POPDC2: variants seen among roughly 807,000 people sequenced by gnomAD.
POPDC2 encodes the protein popeye domain cAMP effector 2.
In POPDC2, 24 loss-of-function variants were observed where a neutral mutation model predicts 30.5. That is an observed-to-expected ratio of 0.79 (90% CI 0.57 to 1.11). POPDC2 has a LOEUF of 1.11. POPDC2 is among the 50% of genes least tolerant of loss of function. POPDC2 has a pLI of 0.00. For synonymous variants in POPDC2, 185 were observed against 183.3 expected (o/e 1.01, Z -0.07); for missense variants, 409 against 447.0 (o/e 0.91, Z 0.77).
At chr3:119,654,801 A>C in intron 1 of POPDC2, 188 bp from the exon 2 acceptor site, 1 of 555,426 alleles carries the variant, frequency 1.8e-6, no homozygotes. Context: ...AAAGGAACCC[A>C]TTGAGACTTC....
At chr3:119,656,627 GC>G (rs1560099126) in intron 1 of POPDC2, among the ~76,000 whole-genome samples, 1 of 152,152 alleles carries the variant, frequency 6.6e-6, no homozygotes, top group Non-Finnish European at 1.5e-5. Flanking sequence ...CAGATGTGAG[GC>G]CACATCTGGA....
At chr3:119,646,130 T>C (rs182609596) in intron 3 of POPDC2, among the ~76,000 whole-genome samples, 106 of 152,154 alleles carry the variant, frequency 7.0e-4, no homozygotes, top group African/African-American at 2.5e-3. Flanking sequence ...AAAGTACTGA[T>C]CTTTGGAAGA....
chr3:119,648,817 G>T (rs1029079040), intron 2 of POPDC2, 149 bp from the exon 3 acceptor site: 45 of 689,490 alleles, frequency 6.5e-5, no homozygotes, highest in Admixed American at 4.1e-4. Context: ...GCCTGGAGGA[G>T]GTCTAGTGGA....
chr3:119,654,827 T>C (rs2052861079), intron 1 of POPDC2: 2 of 523,634 alleles, frequency 3.8e-6, no homozygotes, highest in Admixed American at 6.8e-5. Context: ...CCCTCATTTT[T>C]CCTCCTCCTT....
chr3:119,655,519 C>T (rs576611540), intron 1 of POPDC2, among the ~76,000 whole-genome samples: 32 of 152,252 alleles, frequency 2.1e-4, no homozygotes, highest in South Asian at 6.2e-4. Flanking sequence ...CTGTTGGATC[C>T]GCTGCTCCAC....
At chr3:119,644,718 A>G (rs1436233068) in intron 3 of POPDC2, among the ~76,000 whole-genome samples, 2 of 152,296 alleles carry the variant, frequency 1.3e-5, no homozygotes, top group Middle Eastern at 3.4e-3. Flanking sequence ...TGCCTCTCAT[A>G]TAAGTGCTGT....
intron 3 of POPDC2, among the ~76,000 whole-genome samples, chr3:119,647,664 G>T (rs931235707): frequency 3.3e-5 from 5 of 152,178 alleles, no homozygotes; most frequent in African/African-American, 1.2e-4. Context: ...TTTAAAATAT[G>T]CAGTTTTAAC....
At chr3:119,657,413 T>C (rs757332756) in intron 1 of POPDC2, among the ~76,000 whole-genome samples, 1 of 152,102 alleles carries the variant, frequency 6.6e-6, no homozygotes. Flanking sequence ...GCACCTATTA[T>C]CTGACAACCT....
At chr3:119,651,886 G>A (rs990216381) in intron 2 of POPDC2, among the ~76,000 whole-genome samples, 1 of 151,944 alleles carries the variant, frequency 6.6e-6, no homozygotes, top group Admixed American at 6.6e-5. Context: ...CAACTGCCTC[G>A]GCCTCCCAAA....
intron 2 of POPDC2, among the ~76,000 whole-genome samples, chr3:119,651,646 G>GC (rs981559493): frequency 2.5e-5 from 3 of 119,060 alleles, no homozygotes; most frequent in African/African-American, 9.9e-5. Context: ...CCACCCCACC[G>GC]CCCCCCTGAG....
chr3:119,649,127 T>C (rs1227676116), intron 2 of POPDC2, among the ~76,000 whole-genome samples: 2 of 151,732 alleles, frequency 1.3e-5, no homozygotes, highest in African/African-American at 2.4e-5. Flanking sequence ...ATAAAAAGAG[T>C]TGGAAAGTTG....
chr3:119,642,405 G>A lies in POPDC2; in HGVS notation c.*200C>T, dbSNP rs1473457223. 2.2e-5 allele frequency: 24 copies of A among 1,101,388 alleles called. No homozygotes were observed. Among genetic ancestry groups the A allele is most frequent in the Non-Finnish European group, 1.4e-6 (1 of 721,270 alleles). 68.2% of individuals were successfully genotyped at this position (1,101,388 alleles called of 1,614,324 possible). ...TTCCAGTGGGTGGGAAAAGAGGCAT[G>A]CCTATCAGTGGCCATTCTGTGAACA... is the stretch of plus-strand genomic sequence containing the variant. On this transcript the variant is annotated 3_prime_UTR_variant, in exon 4 of 4. Coordinates refer to ENST00000493094, the MANE Select transcript of POPDC2 (RefSeq NM_001369919.2).
upstream of POPDC2, chr3:119,660,845 T>C (rs1175894122): frequency 6.2e-6 from 1 of 160,692 alleles, no homozygotes; most frequent in Non-Finnish European, 1.4e-5. Context: ...CGTGGGATGA[T>C]GCGGCCACAT....
intron 2 of POPDC2, among the ~76,000 whole-genome samples, chr3:119,649,365 A>G (rs955924763): frequency 6.6e-6 from 1 of 152,188 alleles, no homozygotes; most frequent in African/African-American, 2.4e-5. Flanking sequence ...TCATCTAGGA[A>G]TTTCTGAGTA....
rs2052702662 is a variant in POPDC2 at position 119,642,619 on chromosome 3, C to A, written c.*44-58G>T. ...CTATGTCTCTGGACAGTTTGTCTAA[C>A]TTCAAAGGGTTCTTTTCAGTTTTTT... On this transcript the variant is annotated intron_variant, in intron 3 of 3. Coordinates refer to ENST00000493094, the MANE Select transcript of POPDC2 (RefSeq NM_001369919.2). The A allele has an allele frequency of 7.5e-6, 9 of 1,194,560 alleles. No homozygotes were observed. In the South Asian group the frequency reaches 1.1e-4, roughly 15 times the overall value. 74.0% of individuals were successfully genotyped at this position (1,194,560 alleles called of 1,614,324 possible).
intron 3 of POPDC2, among the ~76,000 whole-genome samples, chr3:119,645,417 C>T (rs2052734720): frequency 6.6e-6 from 1 of 152,078 alleles, no homozygotes; most frequent in Admixed American, 6.5e-5. Context: ...AAAAAATTAG[C>T]CAGGCACGGT....
At chr3:119,658,107 G>C (rs1017912082) in intron 1 of POPDC2, among the ~76,000 whole-genome samples, 1 of 152,196 alleles carries the variant, frequency 6.6e-6, no homozygotes, top group Admixed American at 6.5e-5. Context: ...CTGGCACAAA[G>C]TTCTTGTCTG....
chr3:119,642,476 T>G lies in POPDC2; in HGVS notation c.*129A>C. ...CACAGAGAAGATAGTCCAATGATCC[T>G]TAAAGTTCAGGCGTGTGGGTTGGAG... On this transcript the variant is annotated 3_prime_UTR_variant, in exon 4 of 4. Transcript: ENST00000493094. 1 of 1,604,996 alleles carries G rather than the reference T, an allele frequency of 6.2e-7. No homozygotes were observed. Among genetic ancestry groups the G allele is most frequent in the Non-Finnish European group, 8.5e-7 (1 of 1,171,754 alleles).
Position 119,644,920 on chromosome 3 carries a change from A to T in POPDC2, c.*44-2359T>A, listed in dbSNP as rs72957083. 1.3e-3 allele frequency among the ~76,000 whole-genome samples: 197 copies of T among 152,334 alleles called. 2 individuals carry two copies. Among genetic ancestry groups the T allele is most frequent in the African/African-American group, 4.5e-3 (189 of 41,574 alleles). ...AAGTCAAATCAAACATTCAAAACAC[A>T]ATTTCAGAAAAAGAACTGAGGCTAA... On this transcript the variant is annotated intron_variant, in intron 3 of 3. Transcript: ENST00000493094.
Sources: allele counts gnomAD v4.1 joint callset (sites outside exome capture counted in the v4.1 genomes callset), GRCh38; gene constraint gnomAD v4.1.1; transcripts MANE v1.5; gene names NCBI Gene and HGNC (gene_info 2026-07-23, HGNC 2026-07-21).